Variants in AUTS2 observed in about 807,000 individuals in gnomAD.
AUTS2 encodes the protein autism susceptibility gene 2 protein.
A neutral mutation model predicts 112.4 loss-of-function variants in AUTS2; 17 were observed. The ratio of observed to expected loss-of-function variants is 0.15; its 90% CI spans 0.10 to 0.23. The LOEUF (loss-of-function observed/expected upper bound fraction) is 0.23. Among genes scored for constraint, AUTS2 ranks in the 10% least tolerant of loss-of-function variants. The pLI is 1.00. For missense variants in AUTS2, 1,510 were observed against 1,701.6 expected (o/e 0.89, Z 1.98); for synonymous variants, 751 against 702.7 (o/e 1.07, Z -1.09).
chr7:70,732,104 A>G (rs1787443835), intron 6 of AUTS2, among the ~76,000 whole-genome samples: 2 of 152,194 alleles, frequency 1.3e-5, no homozygotes. Flanking sequence ...TAATGTCTAT[A>G]AGGGTATTTC....
intron 2 of AUTS2, among the ~76,000 whole-genome samples, chr7:70,041,846 C>A (rs1215828125): frequency 6.6e-6 from 1 of 152,098 alleles, no homozygotes; most frequent in Non-Finnish European, 1.5e-5. Flanking sequence ...TTCCCAGATA[C>A]CCCAGTTTTA....
chr7:70,245,140 G>A (rs1196632635), intron 4 of AUTS2, among the ~76,000 whole-genome samples: 4,890 of 67,428 alleles, frequency 0.073, 121 homozygotes, highest in Admixed American at 0.12. Context: ...AAAAGTGTGT[G>A]TGTGTATATA....
chr7:69,631,316 G>A (rs920442707), intron 1 of AUTS2, among the ~76,000 whole-genome samples: 1 of 152,152 alleles, frequency 6.6e-6, no homozygotes, highest in African/African-American at 2.4e-5. Context: ...CACTTAAGAT[G>A]TTTTTGACCT....
At chr7:69,894,265 T>TTG (rs1794649480) in intron 1 of AUTS2, among the ~76,000 whole-genome samples, 1 of 119,152 alleles carries the variant, frequency 8.4e-6, no homozygotes, top group African/African-American at 2.9e-5. Flanking sequence ...TTTTTTTTTT[T>TTG]TTTTTTTTTT....
rs529884205 is a variant in AUTS2, at chr7:69,913,864, C to A, written c.522+14366C>A. ...CAGCTCCCGACCTTCCATTCCCTCCCACATGCCAAGTTCCTTCGTACCCTG... is the reference window on the plus strand; with the variant it reads ...CAGCTCCCGACCTTCCATTCCCTCCAACATGCCAAGTTCCTTCGTACCCTG... On this transcript the variant is annotated intron_variant, in intron 2 of 18. Coordinates refer to ENST00000342771, the MANE Select transcript of AUTS2 (RefSeq NM_015570.4). Among the ~76,000 whole-genome samples the A allele has an allele frequency of 1.1e-4, 16 of 152,314 alleles. 1 individual carries two copies. The South Asian group carries it at 3.1e-3, about 30-fold the overall frequency.
intron 1 of AUTS2, among the ~76,000 whole-genome samples, chr7:69,866,026 A>T (rs961921678): frequency 6.6e-6 from 1 of 152,040 alleles, no homozygotes; most frequent in Non-Finnish European, 1.5e-5. Flanking sequence ...CTTGTCTGTT[A>T]TAAGTCCTTT....
intron 2 of AUTS2, among the ~76,000 whole-genome samples, chr7:70,003,179 A>C (rs1262668904): frequency 8.2e-6 from 1 of 122,378 alleles, no homozygotes; most frequent in African/African-American, 3.4e-5. Flanking sequence ...ATATTATATG[A>C]ATATATTATA....
At chr7:69,849,050 C>T (rs1256002945) in intron 1 of AUTS2, among the ~76,000 whole-genome samples, 1 of 152,118 alleles carries the variant, frequency 6.6e-6, no homozygotes, top group African/African-American at 2.4e-5. Context: ...GTTGTGGTGG[C>T]GTGCGCCTGT....
chr7:69,840,741 A>G (rs1244067119), intron 1 of AUTS2, among the ~76,000 whole-genome samples: 4 of 152,206 alleles, frequency 2.6e-5, no homozygotes, highest in African/African-American at 7.2e-5. Context: ...TCAACTTCTC[A>G]TTCTATAAAT....
intron 2 of AUTS2, among the ~76,000 whole-genome samples, chr7:70,092,462 C>T (rs1425419177): frequency 6.6e-6 from 1 of 152,112 alleles, no homozygotes; most frequent in Admixed American, 6.5e-5. Flanking sequence ...CCTGCCAATA[C>T]ACTGGCAGCA....
intron 1 of AUTS2, among the ~76,000 whole-genome samples, chr7:69,837,666 A>G (rs1435008487): frequency 6.6e-6 from 1 of 152,156 alleles, no homozygotes; most frequent in African/African-American, 2.4e-5. Flanking sequence ...TGCCAGGGAC[A>G]CCAGCAGAGA....
At chr7:70,250,891 A>T (rs919780317) in intron 4 of AUTS2, among the ~76,000 whole-genome samples, 2 of 152,040 alleles carry the variant, frequency 1.3e-5, no homozygotes, top group Non-Finnish European at 2.9e-5. Flanking sequence ...GAGGGAGAGG[A>T]TCAAAAAACT....
At chr7:70,433,461 A>T (rs1489314941) in intron 4 of AUTS2, among the ~76,000 whole-genome samples, 1 of 152,200 alleles carries the variant, frequency 6.6e-6, no homozygotes, top group African/African-American at 2.4e-5. Flanking sequence ...AACCTCACAG[A>T]GGGCTTAATT....
chr7:69,814,373 G>C (rs769515456), intron 1 of AUTS2, among the ~76,000 whole-genome samples: 1 of 152,216 alleles, frequency 6.6e-6, no homozygotes, highest in Non-Finnish European at 1.5e-5. Context: ...AATATAGATT[G>C]TCAGCAAGAG....
At chr7:70,290,532 A>G (rs1333742052) in intron 4 of AUTS2, 3 of 1,530,230 alleles carry the variant, frequency 2.0e-6, no homozygotes, top group South Asian at 1.3e-5. Flanking sequence ...GGTCACTCAC[A>G]TTTGAATTCT....
At chr7:70,221,257 T>C (rs1013457316) in intron 4 of AUTS2, among the ~76,000 whole-genome samples, 2 of 152,230 alleles carry the variant, frequency 1.3e-5, no homozygotes, top group Non-Finnish European at 2.9e-5. Context: ...CATTTTATTT[T>C]TGGTTTATTT....
At chr7:70,244,795 G>A (rs1812808740) in intron 4 of AUTS2, among the ~76,000 whole-genome samples, 1 of 152,110 alleles carries the variant, frequency 6.6e-6, no homozygotes, top group South Asian at 2.1e-4. Context: ...TCTTTGAACT[G>A]TTTAGAAACA....
intron 2 of AUTS2, among the ~76,000 whole-genome samples, chr7:70,020,845 A>G (rs907107643): frequency 1.3e-5 from 2 of 151,812 alleles, no homozygotes. Context: ...TTTCAGTTTT[A>G]TTTTTGGCAG....
chr7:70,441,025 C>T (rs959270193), intron 5 of AUTS2, among the ~76,000 whole-genome samples: 17 of 152,190 alleles, frequency 1.1e-4, no homozygotes, highest in Non-Finnish European at 1.2e-4. Context: ...ATTTTGACTG[C>T]TTAGGAGAAA....
Sources: gnomAD v4.1 joint callset for allele counts (sites outside exome capture counted in the v4.1 genomes callset) on GRCh38, gnomAD v4.1.1 for gene constraint, MANE v1.5 for transcripts, NCBI Gene and HGNC (gene_info 2026-07-23, HGNC 2026-07-21) for gene names.